SGMS2: variants seen among roughly 807,000 people sequenced by gnomAD.
The protein encoded by SGMS2 is sphingomyelin synthase 2, also known as phosphatidylcholine:ceramide cholinephosphotransferase 2.
In SGMS2, 21 loss-of-function variants were observed where a neutral mutation model predicts 43.8. That is an observed-to-expected ratio of 0.48 (90% CI 0.34 to 0.69). The LOEUF is 0.69. SGMS2 is among the 30% of genes least tolerant of loss of function. SGMS2 has a pLI of 0.01. For synonymous variants in SGMS2, 167 were observed against 160.6 expected, an observed-to-expected ratio of 1.04 and a Z score of -0.30; for missense variants, 384 against 443.2, an observed-to-expected ratio of 0.87 and a Z score of 1.20.
At chr4:107,877,917 T>C (rs944129252) in intron 2 of SGMS2, among the ~76,000 whole-genome samples, 6 of 137,624 alleles carry the variant, frequency 4.4e-5, no homozygotes, top group South Asian at 4.8e-4. Context: ...TCTTTTCTTT[T>C]TTTTTTTTTT....
At chr4:107,862,858 C>T (rs1278206333) in intron 2 of SGMS2, among the ~76,000 whole-genome samples, 1 of 152,184 alleles carries the variant, frequency 6.6e-6, no homozygotes, top group Non-Finnish European at 1.5e-5. Flanking sequence ...GTTCTGAACA[C>T]CTCACTGAAT....
rs1330626569 is a variant in SGMS2, at chr4:107,913,687, C to T, written c.*3134C>T. Reference sequence around the variant, plus strand: ...GATTATAGGCACTTGTAATTCTAACCTTGTATCCATTTGATCAAAGAAAAT... The same window carrying T: ...GATTATAGGCACTTGTAATTCTAACTTTGTATCCATTTGATCAAAGAAAAT... On this transcript the variant is annotated 3_prime_UTR_variant, in exon 7 of 7. Coordinates refer to ENST00000690982, the MANE Select transcript of SGMS2 (RefSeq NM_001375905.1). The T allele has an allele frequency of 6.6e-6, 1 of 152,154 alleles. No homozygotes were observed. The highest frequency in any genetic ancestry group is 2.4e-5 in the African/African-American group (1 of 41,436). 9.4% of individuals were successfully genotyped at this position (152,154 alleles called of 1,614,324 possible).
chr4:107,896,108 C>T lies in SGMS2; in HGVS notation c.455+100C>T, dbSNP rs1730649144. On this transcript the variant is annotated intron_variant, in intron 3 of 6. Coordinates refer to ENST00000690982, the MANE Select transcript of SGMS2 (RefSeq NM_001375905.1). The stretch of plus-strand genomic sequence containing the variant: ...TTTCCTTTTTTTCCCCCAATAAATT[C>T]AGTCTTACCCAAACATTTGATGAAA... 8.6e-6 allele frequency: 9 copies of T among 1,045,404 alleles called. No individual in the cohort carries two copies. In the South Asian group the frequency reaches 9.8e-5, roughly 11 times the overall value. The allele number at this position is 1,045,404 out of a possible 1,614,324, so 64.8% of individuals were successfully genotyped here. A position where few individuals can be genotyped will look rare whatever the true frequency, so the allele number is the denominator to read the frequency against.
chr4:107,891,912 A>G (rs1276295639), intron 2 of SGMS2, among the ~76,000 whole-genome samples: 1 of 152,040 alleles, frequency 6.6e-6, no homozygotes, highest in Non-Finnish European at 1.5e-5. Context: ...GCCATTTTGT[A>G]TTGGCACAGC....
At chr4:107,897,677 C>T (rs1237492701) in intron 3 of SGMS2, among the ~76,000 whole-genome samples, 1 of 152,194 alleles carries the variant, frequency 6.6e-6, no homozygotes, top group Non-Finnish European at 1.5e-5. Flanking sequence ...TGTCCAAACA[C>T]ACGGTCACAT....
intron 1 of SGMS2, among the ~76,000 whole-genome samples, chr4:107,853,256 G>A (rs1316495615): frequency 6.6e-6 from 1 of 151,738 alleles, no homozygotes; most frequent in African/African-American, 2.4e-5. Flanking sequence ...AGGCTTTCTG[G>A]GCTTAAAAAA....
chr4:107,899,300 C>T (rs1478814945), intron 3 of SGMS2, among the ~76,000 whole-genome samples: 2 of 152,108 alleles, frequency 1.3e-5, no homozygotes, highest in African/African-American at 2.4e-5. Flanking sequence ...TTAGTTCCCC[C>T]ACCCCACACA....
At chr4:107,852,646 T>C (rs1339695389) in intron 1 of SGMS2, among the ~76,000 whole-genome samples, 1 of 152,184 alleles carries the variant, frequency 6.6e-6, no homozygotes, top group African/African-American at 2.4e-5. Flanking sequence ...GCACCTCTTA[T>C]CATTCCCCAC....
At chr4:107,885,476 A>T (rs1002257044) in intron 2 of SGMS2, among the ~76,000 whole-genome samples, 2 of 152,198 alleles carry the variant, frequency 1.3e-5, no homozygotes, top group African/African-American at 4.8e-5. Flanking sequence ...ACACAATTTT[A>T]GCTGTGTAAT....
chr4:107,896,601 C>T (rs550512132), intron 3 of SGMS2, among the ~76,000 whole-genome samples: 12 of 152,164 alleles, frequency 7.9e-5, no homozygotes, highest in Admixed American at 6.5e-4. Context: ...CAGATCCATG[C>T]GGTTTTGATT....
intron 1 of SGMS2, among the ~76,000 whole-genome samples, chr4:107,850,916 T>C (rs897318169): frequency 6.6e-6 from 1 of 152,174 alleles, no homozygotes; most frequent in African/African-American, 2.4e-5. Flanking sequence ...CTTCTACGAG[T>C]GTACCCCTCA....
In SGMS2 at chr4:107,899,561, A is replaced by C; in HGVS notation, c.456-14A>C. Reference sequence around the variant, plus strand: ...AGTAAACTTGTTTTTCCCCATCCCTATTTTTTCTTTTAGGTCAATAGTGGG... The same window carrying C: ...AGTAAACTTGTTTTTCCCCATCCCTCTTTTTTCTTTTAGGTCAATAGTGGG... On this transcript the variant is annotated splice_polypyrimidine_tract_variant and intron_variant, in intron 3 of 6. Coordinates refer to ENST00000690982, the MANE Select transcript of SGMS2 (RefSeq NM_001375905.1). 1 of 1,585,692 alleles carries C rather than the reference A, an allele frequency of 6.3e-7. No homozygotes were observed. The highest frequency in any genetic ancestry group is 1.4e-5 in the African/African-American group (1 of 73,618).
At chr4:107,862,570 G>A (rs1578550851) in intron 2 of SGMS2, among the ~76,000 whole-genome samples, 2 of 152,070 alleles carry the variant, frequency 1.3e-5, no homozygotes, top group Non-Finnish European at 2.9e-5. Flanking sequence ...AGGAAAAATA[G>A]TAGCCTATAT....
chr4:107,841,624 A>T (rs1020149085), intron 1 of SGMS2, among the ~76,000 whole-genome samples: 11 of 152,034 alleles, frequency 7.2e-5, no homozygotes, highest in Middle Eastern at 3.4e-3. Context: ...CTTTTTAAAA[A>T]TTTTTTATTT....
At chr4:107,831,121 G>A (rs746493828) in intron 1 of SGMS2, among the ~76,000 whole-genome samples, 4 of 152,176 alleles carry the variant, frequency 2.6e-5, no homozygotes, top group African/African-American at 4.8e-5. Context: ...TACAGAGCTG[G>A]TGGGAAGTAG....
intron 2 of SGMS2, among the ~76,000 whole-genome samples, chr4:107,887,355 G>A (rs915461877): frequency 2.0e-5 from 3 of 152,096 alleles, no homozygotes; most frequent in Non-Finnish European, 4.4e-5. Context: ...AAAGAAATTT[G>A]TTACCTCTGT....
intron 2 of SGMS2, chr4:107,864,423 G>A (rs1415688464): frequency 6.6e-6 from 1 of 152,148 alleles, no homozygotes; most frequent in Non-Finnish European, 1.5e-5. Context: ...AGAGATGGTG[G>A]TGTTTCCCAA....
intron 2 of SGMS2, among the ~76,000 whole-genome samples, chr4:107,881,751 C>T (rs965378108): frequency 7.2e-5 from 11 of 152,104 alleles, no homozygotes; most frequent in African/African-American, 1.9e-4. Flanking sequence ...CTACTTCACC[C>T]GCCCTGCCAC....
At chr4:107,883,747 T>C (rs1306717708) in intron 2 of SGMS2, among the ~76,000 whole-genome samples, 3 of 152,226 alleles carry the variant, frequency 2.0e-5, no homozygotes, top group African/African-American at 7.2e-5. Flanking sequence ...TGTAAAAATA[T>C]GTTTTGTACA....
Sources: allele counts gnomAD v4.1 joint callset (sites outside exome capture counted in the v4.1 genomes callset), GRCh38; gene constraint gnomAD v4.1.1; transcripts MANE v1.5; gene names NCBI Gene and HGNC (gene_info 2026-07-23, HGNC 2026-07-21).